ACER2: variants seen among roughly 807,000 people sequenced by gnomAD.
ACER2 encodes the protein alkaline ceramidase 2, also known as alkCDase 2.
In ACER2, 26 loss-of-function variants were observed where a neutral mutation model predicts 34.7. The ratio of observed to expected loss-of-function variants is 0.75; its 90% CI spans 0.55 to 1.04. The LOEUF is 1.04. Ranked by LOEUF, ACER2 falls within the 50% of genes least tolerant of loss-of-function variation. The pLI is 0.00. For synonymous variants in ACER2, 138 were observed against 132.1 expected, an observed-to-expected ratio of 1.04 and a Z score of -0.31; for missense variants, 352 against 340.8, an observed-to-expected ratio of 1.03 and a Z score of -0.26.
At chr9:19,423,671 A>G (rs1224903639) in intron 1 of ACER2, among the ~76,000 whole-genome samples, 191 bp from the exon 2 acceptor site, 1 of 152,190 alleles carries the variant, frequency 6.6e-6, no homozygotes, top group African/African-American at 2.4e-5. Flanking sequence ...ACTGCATTTC[A>G]GCCTTCCAGC....
At chr9:19,413,697 C>T (rs1278336724) in intron 1 of ACER2, among the ~76,000 whole-genome samples, 1 of 151,952 alleles carries the variant, frequency 6.6e-6, no homozygotes, top group Non-Finnish European at 1.5e-5. Context: ...CTGAGCTTGG[C>T]CTTTGGGGAC....
chr9:19,448,524 A>G (rs1206033867), intron 5 of ACER2, among the ~76,000 whole-genome samples: 1 of 152,196 alleles, frequency 6.6e-6, no homozygotes, highest in African/African-American at 2.4e-5. Flanking sequence ...CAAACACTTT[A>G]TAATGAACAT....
At chr9:19,445,855 C>G (rs1831337326) in intron 4 of ACER2, among the ~76,000 whole-genome samples, 1 of 152,106 alleles carries the variant, frequency 6.6e-6, no homozygotes, top group South Asian at 2.1e-4. Context: ...GAAGGAGACT[C>G]TGATGAGATG....
intron 1 of ACER2, chr9:19,409,968 A>T (rs1563868858): frequency 2.0e-6 from 2 of 982,490 alleles, no homozygotes; most frequent in African/African-American, 1.8e-5. Context: ...GTGGTAGGGA[A>T]GGGTTGCAGC....
At chr9:19,435,736 A>G (rs537981226) in intron 4 of ACER2, among the ~76,000 whole-genome samples, 1 of 152,020 alleles carries the variant, frequency 6.6e-6, no homozygotes, top group East Asian at 1.9e-4. Context: ...TGGGTGACAG[A>G]GTGAGACTTG....
chr9:19,440,646 C>G (rs1304311883), intron 4 of ACER2, among the ~76,000 whole-genome samples: 2 of 152,178 alleles, frequency 1.3e-5, no homozygotes, highest in Non-Finnish European at 1.5e-5. Context: ...ATCAGCCACC[C>G]AGTATACAAT....
At chr9:19,441,872 A>C (rs891465148) in intron 4 of ACER2, among the ~76,000 whole-genome samples, 1 of 152,118 alleles carries the variant, frequency 6.6e-6, no homozygotes, top group South Asian at 2.1e-4. Context: ...TCTTTCCCGA[A>C]TCTTCCCTGG....
chr9:19,435,110 C>T (rs749356331), intron 4 of ACER2, 26 bp downstream of exon 4: 6 of 1,612,762 alleles, frequency 3.7e-6, no homozygotes, highest in East Asian at 2.2e-5. Context: ...CCTGCCTACC[C>T]TTAGCTGTCC....
At chr9:19,428,744 G>A (rs1830659038) in intron 3 of ACER2, among the ~76,000 whole-genome samples, 1 of 146,820 alleles carries the variant, frequency 6.8e-6, no homozygotes, top group Non-Finnish European at 1.5e-5. Flanking sequence ...GTAAGTTCTG[G>A]TGGTTATTAT....
At chr9:19,440,750 C>A (rs1831128300) in intron 4 of ACER2, among the ~76,000 whole-genome samples, 2 of 152,176 alleles carry the variant, frequency 1.3e-5, no homozygotes, top group Non-Finnish European at 2.9e-5. Context: ...GGCTTTAATT[C>A]CTCTACATAT....
intron 5 of ACER2, among the ~76,000 whole-genome samples, chr9:19,448,990 A>T (rs1831472483): frequency 6.6e-6 from 1 of 152,176 alleles, no homozygotes; most frequent in African/African-American, 2.4e-5. Flanking sequence ...AATGCAAAAA[A>T]TTAGCCGGAT....
chr9:19,430,181 C>T (rs1390239593), intron 3 of ACER2, among the ~76,000 whole-genome samples: 1 of 142,660 alleles, frequency 7.0e-6, no homozygotes, highest in Non-Finnish European at 1.5e-5. Flanking sequence ...GAAAACAAAG[C>T]TTTACTTTGG....
chr9:19,449,225 A>G (rs949213912), intron 5 of ACER2, among the ~76,000 whole-genome samples: 2 of 152,252 alleles, frequency 1.3e-5, no homozygotes, highest in Admixed American at 1.3e-4. Flanking sequence ...CCACTTATGC[A>G]TATTTGCAAC....
At chr9:19,426,939 G>C (rs1830589507) in intron 3 of ACER2, among the ~76,000 whole-genome samples, 1 of 152,096 alleles carries the variant, frequency 6.6e-6, no homozygotes, top group Admixed American at 6.5e-5. Context: ...TGTGACTATT[G>C]GGACTTTTTC....
chr9:19,418,703 G>T (rs760642092), intron 1 of ACER2, among the ~76,000 whole-genome samples: 2 of 152,172 alleles, frequency 1.3e-5, no homozygotes, highest in Non-Finnish European at 2.9e-5. Context: ...GAGGGGTAGA[G>T]GGCTAGGGGA....
intron 1 of ACER2, among the ~76,000 whole-genome samples, chr9:19,413,005 G>A (rs1008050047): frequency 7.2e-5 from 11 of 152,188 alleles, no homozygotes; most frequent in Non-Finnish European, 1.6e-4. Flanking sequence ...AATCTTAGAT[G>A]GGGATTGCTG....
At chr9:19,436,857 T>C (rs1278296341) in intron 4 of ACER2, among the ~76,000 whole-genome samples, 1 of 152,242 alleles carries the variant, frequency 6.6e-6, no homozygotes, top group African/African-American at 2.4e-5. Context: ...GCTGTGCTAA[T>C]GGCCTTCTAC....
At chr9:19,433,976 C>G (rs1004891308) in intron 3 of ACER2, among the ~76,000 whole-genome samples, 2 of 151,248 alleles carry the variant, frequency 1.3e-5, no homozygotes, top group East Asian at 3.9e-4. Flanking sequence ...CCCTCCCGGA[C>G]GGGGTGGCTG....
chr9:19,435,193 AGAGTTAGTTG>A (rs1343849844), intron 4 of ACER2, 109 bp downstream of exon 4: 5 of 1,364,282 alleles, frequency 3.7e-6, no homozygotes, highest in Non-Finnish European at 5.0e-6. Context: ...TTCCTTGTGA[AGAGTTAGTTG>A]CTGACTGTTG....
Sources: gnomAD v4.1 joint callset for allele counts (sites outside exome capture counted in the v4.1 genomes callset) on GRCh38, gnomAD v4.1.1 for gene constraint, MANE v1.5 for transcripts, NCBI Gene and HGNC (gene_info 2026-07-23, HGNC 2026-07-21) for gene names.